Variants in EYS observed in about 807,000 individuals in gnomAD.
EYS encodes the protein EGF-like photoreceptor maintenance factor.
A neutral mutation model predicts 282.1 loss-of-function variants in EYS; 250 were observed. That is an observed-to-expected ratio of 0.89 (90% CI 0.80 to 0.98). EYS has a LOEUF of 0.98. Ranked by LOEUF, EYS falls within the 50% of genes least tolerant of loss-of-function variation. The pLI is 0.00. For synonymous variants in EYS, 1,355 were observed against 1,282.9 expected (o/e 1.06, Z -1.20); for missense variants, 4,016 against 3,709.0 (o/e 1.08, Z -2.15).
At chr6:65,458,150 C>T (rs1254523519) in intron 5 of EYS, among the ~76,000 whole-genome samples, 3 of 152,096 alleles carry the variant, frequency 2.0e-5, no homozygotes, top group Non-Finnish European at 4.4e-5. Flanking sequence ...TAGTTGCAAC[C>T]TCCTAAACTC....
chr6:64,922,447 C>T (rs1768377708), intron 15 of EYS, among the ~76,000 whole-genome samples: 1 of 152,080 alleles, frequency 6.6e-6, no homozygotes, highest in Non-Finnish European at 1.5e-5. Context: ...AGCCAGACAT[C>T]TTATATAAGT....
At chr6:65,548,988 A>G (rs1768499416) in intron 2 of EYS, among the ~76,000 whole-genome samples, 1 of 152,084 alleles carries the variant, frequency 6.6e-6, no homozygotes, top group Non-Finnish European at 1.5e-5. Flanking sequence ...TCCACCTCAG[A>G]TCATCAGGCA....
At chr6:65,419,015 T>A (rs566830301) in intron 5 of EYS, among the ~76,000 whole-genome samples, 12 of 151,974 alleles carry the variant, frequency 7.9e-5, no homozygotes, top group East Asian at 1.9e-4. Flanking sequence ...CCTCAACCCC[T>A]AATACCATGC....
At chr6:63,831,139 TAAG>T (rs1771625111) in intron 36 of EYS, among the ~76,000 whole-genome samples, 1 of 152,224 alleles carries the variant, frequency 6.6e-6, no homozygotes, top group South Asian at 2.1e-4. Flanking sequence ...CCATTGATGC[TAAG>T]AAGAAACTGC....
At chr6:64,095,025 C>G (rs1772537736) in intron 31 of EYS, among the ~76,000 whole-genome samples, 1 of 152,172 alleles carries the variant, frequency 6.6e-6, no homozygotes, top group Non-Finnish European at 1.5e-5. Flanking sequence ...AGTAGTCATT[C>G]AGGAGCAGGT....
intron 33 of EYS, among the ~76,000 whole-genome samples, chr6:64,054,432 G>T (rs1300630180): frequency 1.3e-5 from 2 of 152,138 alleles, no homozygotes; most frequent in Non-Finnish European, 2.9e-5. Flanking sequence ...AGAGATTATG[G>T]CTTCAATGGA....
At position 65,587,880 on chromosome 6, in the gene EYS, GTGGA is replaced by G. The variant is rs201305033; in HGVS notation, c.-333+51894_-333+51897del. Among the ~76,000 whole-genome samples the G allele has an allele frequency of 3.0e-4, 46 of 152,162 alleles. No homozygotes were observed. The East Asian group carries it at 8.7e-3, about 29-fold the overall frequency. ...GTTGTAGTTTCATAAATTAAAAGAT[GTGGA>G]TGAAGTTCCAAGATTTGAAATTACT... is the stretch of plus-strand genomic sequence containing the variant. On this transcript the variant is annotated intron_variant, in intron 2 of 42. Coordinates refer to ENST00000503581, the MANE Select transcript of EYS (RefSeq NM_001142800.2).
chr6:64,789,861 G>A (rs969929530), intron 22 of EYS, among the ~76,000 whole-genome samples: 138 of 148,964 alleles, frequency 9.3e-4, no homozygotes, highest in African/African-American at 3.3e-3. Context: ...TACAAGGAAA[G>A]CGATGGGATT....
intron 21 of EYS, among the ~76,000 whole-genome samples, chr6:64,821,435 A>G (rs901947226): frequency 1.3e-5 from 2 of 151,870 alleles, no homozygotes; most frequent in African/African-American, 4.8e-5. Flanking sequence ...TCTAACAACA[A>G]GAGACAAAGA....
chr6:64,224,554 C>T (rs777887120), intron 31 of EYS, among the ~76,000 whole-genome samples: 1 of 152,080 alleles, frequency 6.6e-6, no homozygotes, highest in Non-Finnish European at 1.5e-5. Context: ...AGTATTTGTT[C>T]ATTCTGGTTT....
At chr6:63,930,805 G>T (rs561646023) in intron 35 of EYS, among the ~76,000 whole-genome samples, 1 of 151,932 alleles carries the variant, frequency 6.6e-6, no homozygotes, top group Non-Finnish European at 1.5e-5. Context: ...AATTAATGAG[G>T]CCGTGTTTCC....
intron 2 of EYS, among the ~76,000 whole-genome samples, chr6:65,587,404 C>T (rs569965471): frequency 6.6e-6 from 1 of 152,114 alleles, no homozygotes; most frequent in Admixed American, 6.6e-5. Flanking sequence ...GCCATGTCCC[C>T]AGTGCTATTC....
rs577364267 is a variant in EYS at position 64,708,480 on chromosome 6, C to G, written c.3444-82235G>C. Among the ~76,000 whole-genome samples, 6 of 152,262 alleles carry G rather than the reference C, an allele frequency of 3.9e-5. No homozygotes were observed. In the South Asian group the frequency reaches 1.2e-3, roughly 32 times the overall value. ...TCTGATCTACCCAGGTTTGATAAAACTACCTCATTTTGTTGGGATACAATT... is the reference window on the plus strand; with the variant it reads ...TCTGATCTACCCAGGTTTGATAAAAGTACCTCATTTTGTTGGGATACAATT... On this transcript the variant is annotated intron_variant, in intron 22 of 42. Transcript: ENST00000503581.
intron 28 of EYS, among the ~76,000 whole-genome samples, chr6:64,392,011 C>T (rs372132483): frequency 6.6e-6 from 1 of 150,770 alleles, no homozygotes; most frequent in Admixed American, 6.6e-5. Flanking sequence ...AACCAACAAA[C>T]ATCAAAAGAG....
At chr6:65,371,941 T>C (rs1169627052) in intron 8 of EYS, among the ~76,000 whole-genome samples, 2 of 151,652 alleles carry the variant, frequency 1.3e-5, no homozygotes, top group Non-Finnish European at 2.9e-5. Context: ...TAATTCGAGC[T>C]TTACTTCTTC....
intron 22 of EYS, among the ~76,000 whole-genome samples, chr6:64,739,027 C>T (rs754184962): frequency 3.9e-5 from 6 of 152,184 alleles, no homozygotes; most frequent in Admixed American, 2.0e-4. Context: ...GGATTACAGG[C>T]GTGAGCCACC....
chr6:63,770,660 G>A (rs1425776851), intron 40 of EYS, among the ~76,000 whole-genome samples: 2 of 152,078 alleles, frequency 1.3e-5, no homozygotes, highest in Non-Finnish European at 2.9e-5. Flanking sequence ...ATATAAAATT[G>A]CTTTCCTTTA....
chr6:64,513,505 C>T (rs1185726713), intron 26 of EYS, among the ~76,000 whole-genome samples: 2 of 151,772 alleles, frequency 1.3e-5, no homozygotes, highest in African/African-American at 4.8e-5. Flanking sequence ...AGATCTTGAA[C>T]AGGAAATAGA....
chr6:64,617,125 T>G (rs1241389585), intron 24 of EYS, among the ~76,000 whole-genome samples: 1 of 152,136 alleles, frequency 6.6e-6, no homozygotes, highest in Non-Finnish European at 1.5e-5. Context: ...ACTGGCATCC[T>G]CCTTCCAAAT....
Sources: allele counts gnomAD v4.1 joint callset (sites outside exome capture counted in the v4.1 genomes callset), GRCh38; gene constraint gnomAD v4.1.1; transcripts MANE v1.5; gene names NCBI Gene and HGNC (gene_info 2026-07-23, HGNC 2026-07-21).